Variants in NEB observed in about 807,000 individuals in gnomAD.
NEB encodes the protein nemaline myopathy type 2.
NEB carries 512 observed loss-of-function variants against 952.2 expected under a neutral mutation model. The observed-to-expected ratio is 0.54, with a 90% confidence interval of 0.50 to 0.58. NEB has a LOEUF of 0.58. NEB is among the 20% of genes least tolerant of loss of function. The pLI is 0.00. For synonymous variants in NEB, 2,900 were observed against 3,149.8 expected (o/e 0.92, Z 2.66); for missense variants, 8,428 against 9,231.1 (o/e 0.91, Z 3.56).
In NEB at chr2:151,697,794, C is replaced by T. The variant is rs191054016; in HGVS notation, c.1153-146G>A. 2.5e-5 allele frequency: 15 copies of T among 609,790 alleles called. No individual in the cohort carries two copies. In the East Asian group the frequency reaches 2.6e-4, roughly 11 times the overall value. 37.8% of individuals were successfully genotyped at this position (609,790 alleles called of 1,614,324 possible). ...AAAAACTGACAATTGAGGCCAGGTG[C>T]GGCGGCTCACGCCTGTAATCCCAGC... On this transcript the variant is annotated intron_variant, in intron 13 of 181. Coordinates refer to ENST00000397345, the MANE Select transcript of NEB (RefSeq NM_001164508.2).
At chr2:151,535,271 T>C (rs551546597) in intron 142 of NEB, among the ~76,000 whole-genome samples, 1 of 152,362 alleles carries the variant, frequency 6.6e-6, no homozygotes, top group African/African-American at 2.4e-5. Context: ...GTAGCTCTTC[T>C]AACAACTGAC....
At chr2:151,692,402 T>C (rs767259990) in intron 20 of NEB, 40 bp from the exon 21 acceptor site, 2 of 1,426,286 alleles carry the variant, frequency 1.4e-6, no homozygotes, top group Admixed American at 3.5e-5. Flanking sequence ...AAGAAAGAAA[T>C]ATATATCTCA....
intron 51 of NEB, among the ~76,000 whole-genome samples, chr2:151,654,837 G>C (rs901230172): frequency 6.6e-6 from 1 of 152,152 alleles, no homozygotes; most frequent in African/African-American, 2.4e-5. Flanking sequence ...TCTGTTTGAT[G>C]CAATTTTTAC....
chr2:151,494,515 C>G (rs150355941), intron 173 of NEB, among the ~76,000 whole-genome samples: 8 of 152,272 alleles, frequency 5.3e-5, no homozygotes, highest in Middle Eastern at 6.8e-3. Context: ...AAACCACCAT[C>G]ATTTTACCGC....
intron 138 of NEB, 62 bp downstream of exon 138, chr2:151,540,282 C>T: frequency 1.0e-6 from 1 of 966,404 alleles, no homozygotes; most frequent in Non-Finnish European, 1.6e-6. Context: ...TGTTATGTTT[C>T]TTAGGTACTT....
At chr2:151,551,304 A>G (rs2095321418) in intron 129 of NEB, among the ~76,000 whole-genome samples, 1 of 152,196 alleles carries the variant, frequency 6.6e-6, no homozygotes, top group Non-Finnish European at 1.5e-5. Flanking sequence ...GGGAAATAAC[A>G]TGAAAAGTTG....
chr2:151,653,605 T>C (rs1278559901), intron 52 of NEB, among the ~76,000 whole-genome samples: 2 of 152,204 alleles, frequency 1.3e-5, no homozygotes, highest in Non-Finnish European at 2.9e-5. Flanking sequence ...GCATATAAAA[T>C]CTATCAGCAT....
Position 151,642,866 on chromosome 2 carries a change from G to T in NEB, c.8164C>A (p.Leu2722Ile), listed in dbSNP as rs1394857555. Residue 2722 changes from leucine to isoleucine, a missense_variant, in exon 59 of 182, where the codon CTC becomes ATC. Physicochemically the swap from Leu to Ile is conservative, Grantham distance 5 (BLOSUM62 2). Transcript: ENST00000397345. ...TCTTTATCCCAAGCTTCTGTATAGAGGCGCTAAGAGAAACAGAAAAACATG... is the reference window on the plus strand; with the variant it reads ...TCTTTATCCCAAGCTTCTGTATAGATGCGCTAAGAGAAACAGAAAAACATG... ...KNNAITMNHR[L>I]YTEAWDKDKT... is the part of the protein sequence containing the mutation. 1.2e-6 allele frequency: 2 copies of T among 1,602,738 alleles called. No homozygotes were observed.
At chr2:151,702,223 C>A (rs1307566899) in intron 13 of NEB, among the ~76,000 whole-genome samples, 1 of 151,458 alleles carries the variant, frequency 6.6e-6, no homozygotes, top group African/African-American at 2.4e-5. Context: ...GCACTGTGGT[C>A]TGAAAGATAG....
rs567478677 is a variant in NEB at position 151,572,599 on chromosome 2, G to A, written c.17014-1998C>T. ...CTCGCTCTGTCACCCAAGCTGGAGT[G>A]AAGTGGCACGATCTCAGCTCACTGC... On this transcript the variant is annotated intron_variant, in intron 107 of 181. Transcript: ENST00000397345. 1.6e-3 allele frequency among the ~76,000 whole-genome samples: 234 copies of A among 146,076 alleles called. 1 individual carries two copies. The highest frequency in any genetic ancestry group is 4.3e-3 in the South Asian group (20 of 4,600).
In NEB at chr2:151,569,342, G is replaced by A. The variant is rs544525796; in HGVS notation, c.17461C>T (p.Arg5821Cys). The A allele has an allele frequency of 5.6e-6, 9 of 1,613,728 alleles. No individual in the cohort carries two copies. Among genetic ancestry groups the A allele is most frequent in the Non-Finnish European group, 6.8e-6 (8 of 1,179,798 alleles). The change falls in exon 110 of 182, where the codon CGT becomes TGT. Residue 5821 changes from arginine to cysteine, a missense_variant. By Grantham distance (180) the Arg-to-Cys change is radical. Transcript: ENST00000397345. ...TCATTTGGCATCCACCCAATTCCAC[G>A]CAACCATTCCAAGTCAGCCTTGTAA... ...NVYKADLEWL[R>C]GIGWMPNDSV...
Position 151,644,047 on chromosome 2 carries a change from C to T in NEB, c.7727G>A (p.Trp2576Ter). ...CTGGATCTTGGCCACATGCATGGAC[C>T]ACATCATCTTGGGGTCATCTTCAAT... The part of the protein sequence containing the change: ...RNIEDDPKMM[W>*]SMHVAKIQSD... Residue 2576 changes from tryptophan to a stop codon, truncating the protein, a stop_gained, in exon 57 of 182, where the codon TGG becomes TAG. Coordinates refer to ENST00000397345, the MANE Select transcript of NEB (RefSeq NM_001164508.2). LOFTEE classifies it high-confidence loss of function. 6.2e-7 allele frequency: 1 copy of T among 1,613,930 alleles called. No homozygotes were observed. The highest frequency in any genetic ancestry group is 8.5e-7 in the Non-Finnish European group (1 of 1,179,886).
intron 27 of NEB, 95 bp downstream of exon 27, chr2:151,687,324 C>T: frequency 9.7e-7 from 1 of 1,028,870 alleles, no homozygotes; most frequent in Admixed American, 1.8e-5. Flanking sequence ...TGTGAAAGAG[C>T]CCATGCTCAT....
At position 151,506,968 on chromosome 2, in the gene NEB, CTG is replaced by C. The variant is rs2069560803; in HGVS notation, c.23495_23496del (p.Thr7832SerfsTer24). 2 of 1,611,398 alleles carry C rather than the reference CTG, an allele frequency of 1.2e-6. No individual in the cohort carries two copies. Among genetic ancestry groups the C allele is most frequent in the Non-Finnish European group, 1.7e-6 (2 of 1,178,320 alleles). On this transcript the variant is annotated frameshift_variant, in exon 163 of 182. Coordinates refer to ENST00000397345, the MANE Select transcript of NEB (RefSeq NM_001164508.2). LOFTEE classifies it high-confidence loss of function. ...AGTATTTCTGGCGTGTCTTGAACAACTGTAATTTTTCCTTTACTGTTTTTAAG... is the reference window on the plus strand; with the variant it reads ...AGTATTTCTGGCGTGTCTTGAACAACTAATTTTTCCTTTACTGTTTTTAAG... ...CDLKNSKGKI[T>X]VVQDTPEILR... is the part of the protein sequence containing the mutation.
chr2:151,519,013 C>T lies in NEB; in HGVS notation c.22647G>A (p.Glu7549=), dbSNP rs201688876. The T allele has an allele frequency of 4.8e-4, 781 of 1,613,740 alleles. 2 individuals carry two copies. The highest frequency in any genetic ancestry group is 5.9e-4 in the Non-Finnish European group (693 of 1,179,702). The change falls in exon 155 of 182, where the codon GAG becomes GAA. Residue 7549 remains glutamate (E), a synonymous_variant. Transcript: ENST00000397345. The stretch of plus-strand genomic sequence containing the variant: ...TCAGGACATGATTCATGATCAGAGA[C>T]TCCTTCATGTCAGTCACGGGTTTGT... The part of the protein sequence containing the change: ...KLHKPVTDMK[E]SLIMNHVLNT...
chr2:151,581,650 A>C (rs914642232), intron 102 of NEB, 63 bp from the exon 103 acceptor site: 1 of 1,470,290 alleles, frequency 6.8e-7, no homozygotes, highest in Non-Finnish European at 9.3e-7. Flanking sequence ...CACATAAATA[A>C]AATTATAAAG....
rs2099690736 is a variant in NEB at position 151,704,153 on chromosome 2, C to T, written c.1152+2728G>A. Among the ~76,000 whole-genome samples the T allele has an allele frequency of 1.3e-4, 8 of 60,276 alleles. No homozygotes were observed. The South Asian group carries it at 3.3e-3, about 25-fold the overall frequency. 39.5% of individuals were successfully genotyped at this position (60,276 alleles called of 152,430 possible). ...GTCAGTGTGCCCCTGCTGGGGGGTG[C>T]CTCCCAGTTAGGCTGCTCGGGGGTC... On this transcript the variant is annotated intron_variant, in intron 13 of 181. Transcript: ENST00000397345.
chr2:151,506,100 CAT>C, intron 164 of NEB, 64 bp downstream of exon 164: 1 of 1,353,610 alleles, frequency 7.4e-7, no homozygotes, highest in Admixed American at 1.7e-5. Flanking sequence ...GAGTGCAACT[CAT>C]AGGTCATTGT....
chr2:151,540,833 A>G, intron 136 of NEB, 32 bp from the exon 137 acceptor site: 4 of 1,532,952 alleles, frequency 2.6e-6, no homozygotes, highest in Non-Finnish European at 1.8e-6. Context: ...GGTGTCATAG[A>G]GATAAAGCAT....
Sources: allele counts gnomAD v4.1 joint callset (sites outside exome capture counted in the v4.1 genomes callset), GRCh38; gene constraint gnomAD v4.1.1; transcripts MANE v1.5; gene names NCBI Gene and HGNC (gene_info 2026-07-23, HGNC 2026-07-21).